Variants in PABPC4 observed in about 807,000 individuals in gnomAD.
PABPC4 encodes poly(A) binding protein cytoplasmic 4.
Under a neutral mutation model 74.5 loss-of-function variants are expected in PABPC4, and 15 were observed. The observed-to-expected ratio is 0.20, with a 90% CI of 0.13 to 0.31. The LOEUF (loss-of-function observed/expected upper bound fraction) is 0.31. PABPC4 is among the 10% of genes least tolerant of loss of function. PABPC4 has a pLI of 1.00. For synonymous variants in PABPC4, 345 were observed against 303.0 expected (o/e 1.14, Z -1.44); for missense variants, 610 against 853.5 (o/e 0.71, Z 3.55).
At chr1:39,567,421 A>C in intron 7 of PABPC4, 2 of 532,462 alleles carry the variant, frequency 3.8e-6, no homozygotes, top group Middle Eastern at 6.2e-4. Context: ...ATGGAAAACA[A>C]CCTGTCTGGA....
At position 39,568,257 on chromosome 1, in the gene PABPC4, GA is replaced by G. The variant is rs201261264; in HGVS notation, c.877-412del. The G allele has an allele frequency of 7.9e-3, 1,064 of 135,030 alleles. 11 individuals are homozygous for G. Among genetic ancestry groups the G allele is most frequent in the African/African-American group, 0.029 (906 of 30,848 alleles). The allele number at this position is 135,030 out of a possible 1,614,324, so 8.4% of individuals were successfully genotyped here. A position where few individuals can be genotyped will look rare whatever the true frequency, so the allele number is the denominator to read the frequency against. On this transcript the variant is annotated intron_variant, in intron 6 of 15. Transcript: ENST00000372858. ...GGGCGACAGAGCGAGACTGTCTCAA[GA>G]AAAAAAAAAAAAAAAGAAAGAAATG...
rs543080527 is a variant in PABPC4, at chr1:39,575,613, G to A, written c.193+146C>T. ...ACTCGAGTCATCTGATGCCAGGTCC[G>A]CGTTCTCAATCTCCGCACCCTGCTC... On this transcript the variant is annotated intron_variant, in intron 1 of 15. Coordinates refer to ENST00000372858, the MANE Select transcript of PABPC4 (RefSeq NM_001135653.2). 5.8e-5 allele frequency: 34 copies of A among 590,510 alleles called. No individual in the cohort carries two copies. The South Asian group carries it at 7.2e-4, about 12-fold the overall frequency. The allele number at this position is 590,510 out of a possible 1,614,324, so 36.6% of individuals were successfully genotyped here. A position where few individuals can be genotyped will look rare whatever the true frequency, so the allele number is the denominator to read the frequency against.
rs376164599 is a variant in PABPC4, at chr1:39,563,898, G to T, written c.1478C>A (p.Ala493Asp). Residue 493 changes from alanine (A) to aspartate (D), a missense_variant, in exon 11 of 16, where the codon GCT becomes GAT. This residue lies in a region of PABPC4 where 277 missense variants were observed against 301.8 expected (regional missense o/e 0.92). Transcript: ENST00000372858. ...GGCACCAGCCCCACCAAAGTCCATAGCCAAGCGGTCCGGGCACTCAGACCC... is the reference window on the plus strand; with the variant it reads ...GGCACCAGCCCCACCAAAGTCCATATCCAAGCGGTCCGGGCACTCAGACCC... ...RVGSECPDRL[A>D]MDFGGAGAAQ... 1.9e-6 allele frequency: 3 copies of T among 1,614,092 alleles called. No homozygotes were observed. Among genetic ancestry groups the T allele is most frequent in the African/African-American group, 2.7e-5 (2 of 74,940 alleles).
At chr1:39,575,312 G>A (rs564160639) in intron 1 of PABPC4, among the ~76,000 whole-genome samples, 26 of 152,300 alleles carry the variant, frequency 1.7e-4, no homozygotes, top group African/African-American at 5.8e-4. Flanking sequence ...GGTAGTCAAG[G>A]TTAGTAAAGG....
intron 2 of PABPC4, among the ~76,000 whole-genome samples, chr1:39,572,171 G>A (rs1453364056): frequency 1.3e-5 from 2 of 152,188 alleles, no homozygotes; most frequent in African/African-American, 2.4e-5. Context: ...AGAATAGGAA[G>A]GATATTTCAG....
rs1441713609 is a variant in PABPC4, at chr1:39,576,715, TA to T, written c.-765del. On this transcript the variant is annotated 5_prime_UTR_variant, in exon 1 of 16. Transcript: ENST00000372858. ...TTTTGAAGCGTTTTCAGATTTTTTT[TA>T]TCTTTTTCTCTTTTTTTCCTCAGGC... 1.3e-5 allele frequency: 2 copies of T among 149,772 alleles called. No individual in the cohort carries two copies. Among genetic ancestry groups the T allele is most frequent in the Admixed American group, 1.3e-4 (2 of 15,060 alleles). 9.3% of individuals were successfully genotyped at this position (149,772 alleles called of 1,614,324 possible). A position where few individuals can be genotyped will look rare whatever the true frequency, so the allele number is the denominator to read the frequency against.
Position 39,562,062 on chromosome 1 carries a change from C to G in PABPC4, c.1893+11G>C, listed in dbSNP as rs776477021. The G allele has an allele frequency of 6.2e-7, 1 of 1,611,714 alleles. No homozygotes were observed. The highest frequency in any genetic ancestry group is 1.1e-5 in the South Asian group (1 of 90,894). ...GAGAACTGAAGCTGCAGGGTCTGAG[C>G]CCCAGCTCACCTTGGAGCGGAGAGA... On this transcript the variant is annotated intron_variant, in intron 14 of 15. Transcript: ENST00000372858.
chr1:39,571,385 G>C, intron 2 of PABPC4, 36 bp from the exon 3 acceptor site: 2 of 1,611,928 alleles, frequency 1.2e-6, no homozygotes, highest in Non-Finnish European at 1.7e-6. Context: ...TAGCAGAACT[G>C]GCCAGCTCCT....
Position 39,571,293 on chromosome 1 carries a change from T to C in PABPC4, c.444A>G (p.Gln148=), listed in dbSNP as rs771408452. ...KGYAFVHFET[Q]EAADKAIEKM... ...TCTCGATGGCCTTGTCGGCAGCCTCTTGGGTCTCGAAGTGGACAAAGGCAT... is the reference window on the plus strand; with the variant it reads ...TCTCGATGGCCTTGTCGGCAGCCTCCTGGGTCTCGAAGTGGACAAAGGCAT... The change falls in exon 3 of 16, where the codon CAA becomes CAG. Residue 148 remains glutamine (Q), a synonymous_variant. Transcript: ENST00000372858. 9 of 1,614,040 alleles carry C rather than the reference T, an allele frequency of 5.6e-6. No homozygotes were observed. The highest frequency in any genetic ancestry group is 1.7e-5 in the Admixed American group (1 of 59,964).
intron 1 of PABPC4, 185 bp from the exon 2 acceptor site, chr1:39,572,771 G>T: frequency 1.9e-6 from 1 of 516,502 alleles, no homozygotes; most frequent in Non-Finnish European, 3.4e-6. Context: ...ATAAGTTCCA[G>T]CTAATGACTC....
chr1:39,567,512 G>C, intron 7 of PABPC4: 1 of 628,242 alleles, frequency 1.6e-6, no homozygotes, highest in Non-Finnish European at 3.0e-6. Flanking sequence ...CAGGTGCTCT[G>C]AGTTGGCAAG....
chr1:39,567,129 C>G (rs1340749333), intron 7 of PABPC4, among the ~76,000 whole-genome samples: 3 of 152,300 alleles, frequency 2.0e-5, no homozygotes, highest in Admixed American at 2.0e-4. Context: ...CAAGGACAAG[C>G]AGTACACCAT....
At chr1:39,565,917 G>GA (rs1162133502) in intron 7 of PABPC4, among the ~76,000 whole-genome samples, 2 of 151,790 alleles carry the variant, frequency 1.3e-5, no homozygotes, top group African/African-American at 2.4e-5. Context: ...CTACAAATAG[G>GA]AAAAAAAAGG....
Position 39,561,515 on chromosome 1 carries a change from A to G in PABPC4, c.*13+170T>C, listed in dbSNP as rs570955381. ...ACTCAAGCTCCTGCAGACAAAGTCC[A>G]CAGTCCTCATGATAAGAAGTCACCT... is the stretch of plus-strand genomic sequence containing the variant. On this transcript the variant is annotated intron_variant, in intron 15 of 15. Transcript: ENST00000372858. 4.0e-4 allele frequency: 242 copies of G among 604,702 alleles called. 1 individual carries two copies. The highest frequency in any genetic ancestry group is 6.2e-4 in the Non-Finnish European group (206 of 332,020). The allele number at this position is 604,702 out of a possible 1,614,324, so 37.5% of individuals were successfully genotyped here.
At chr1:39,566,921 C>T (rs1311753955) in intron 7 of PABPC4, among the ~76,000 whole-genome samples, 1 of 152,222 alleles carries the variant, frequency 6.6e-6, no homozygotes, top group African/African-American at 2.4e-5. Context: ...TTGCTTTCCA[C>T]ATTCCCAGGT....
chr1:39,562,483 C>G, intron 12 of PABPC4, 67 bp from the exon 13 acceptor site: 1 of 1,134,548 alleles, frequency 8.8e-7, no homozygotes, highest in East Asian at 2.4e-5. Context: ...GGTTGAGTGC[C>G]TGTTCAATAT....
Position 39,565,089 on chromosome 1 carries a change from C to A in PABPC4, c.1245+17G>T. On this transcript the variant is annotated intron_variant, in intron 8 of 15. Transcript: ENST00000372858. ...GCCGGCAGGTTCCCAAGAGCTGTGA[C>A]CAAACAGCACACCCACCTGTGGGAC... 6.2e-7 allele frequency: 1 copy of A among 1,612,334 alleles called. No individual in the cohort carries two copies. The highest frequency in any genetic ancestry group is 8.5e-7 in the Non-Finnish European group (1 of 1,179,268).
At chr1:39,573,293 A>G (rs1028899691) in intron 1 of PABPC4, 1 of 152,224 alleles carries the variant, frequency 6.6e-6, no homozygotes, top group Non-Finnish European at 1.5e-5. Flanking sequence ...CTGATCACAC[A>G]TGGAAAAGTT....
chr1:39,567,787 T>G lies in PABPC4; in HGVS notation c.936A>C (p.Lys312Asn). 6.3e-7 allele frequency: 1 copy of G among 1,598,032 alleles called. No individual in the cohort carries two copies. Among genetic ancestry groups the G allele is most frequent in the Non-Finnish European group, 8.6e-7 (1 of 1,165,366 alleles). Residue 312 changes from lysine (K) to asparagine (N), a missense_variant, in exon 7 of 16, where the codon AAA (lysine) becomes AAC (asparagine). By Grantham distance (94) the Lys-to-Asn change is moderately conservative (BLOSUM62 0). Around this residue, in one of 4 missense-constraint regions of PABPC4, gnomAD observed 304 missense variants for 478.9 expected, o/e 0.63. Transcript: ENST00000372858. ...TAATTGATCCAAAAGGAGAAAATTC[T>G]TTCCTTAATTTCTCATCATCAATAG... is the stretch of plus-strand genomic sequence containing the variant. ...DDTIDDEKLR[K>N]EFSPFGSITS...
Sources: allele counts gnomAD v4.1 joint callset (sites outside exome capture counted in the v4.1 genomes callset), GRCh38; gene constraint gnomAD v4.1.1; regional missense constraint gnomAD v4.1.1; transcripts MANE v1.5; gene names NCBI Gene and HGNC (gene_info 2026-07-23, HGNC 2026-07-21).